Variants in PRKN observed in about 807,000 individuals in gnomAD.
PRKN encodes the protein parkin RBR E3 ubiquitin protein ligase.
PRKN carries 56 observed loss-of-function variants against 59.5 expected under a neutral mutation model. That is an observed-to-expected ratio of 0.94 (90% CI 0.76 to 1.18). The LOEUF is 1.18. Among genes scored for constraint, PRKN ranks in the 50% most tolerant of loss-of-function variants. The probability of loss-of-function intolerance (pLI) is 0.00; values close to 1 mark genes in which losing one functional copy is unlikely to be tolerated. For synonymous variants in PRKN, 250 were observed against 222.1 expected (o/e 1.13, Z -1.12); for missense variants, 657 against 596.4 (o/e 1.10, Z -1.06).
intron 6 of PRKN, among the ~76,000 whole-genome samples, chr6:161,907,465 CAT>C (rs1778192662): frequency 6.6e-6 from 1 of 152,298 alleles, no homozygotes; most frequent in African/African-American, 2.4e-5. Context: ...CATATATACA[CAT>C]ATTCTATATT....
rs1786768532 is a variant in PRKN, at chr6:161,396,578, A to T, written c.1084-9701T>A. Among the ~76,000 whole-genome samples the T allele has an allele frequency of 5.3e-5, 8 of 152,208 alleles. 1 individual carries two copies. Among genetic ancestry groups the T allele is most frequent in the Admixed American group, 5.2e-4 (8 of 15,284 alleles). ...TGTTTGAATATGGCCATTCATTAGT[A>T]AAACGCACAGCATATGTCTTCTATA... On this transcript the variant is annotated intron_variant, in intron 9 of 11. Coordinates refer to ENST00000366898, the MANE Select transcript of PRKN (RefSeq NM_004562.3). This position sits in a 1 kb window ranked among gnomAD's most constrained non-coding sequence, Gnocchi z 5.4.
chr6:162,020,970 G>GT (rs1290249542), intron 5 of PRKN, among the ~76,000 whole-genome samples: 1 of 151,044 alleles, frequency 6.6e-6, no homozygotes, highest in African/African-American at 2.4e-5. Context: ...GGGCATGGTG[G>GT]TGCGCACCTG....
chr6:162,682,520 CAT>C (rs970579791), intron 1 of PRKN, among the ~76,000 whole-genome samples: 31 of 152,266 alleles, frequency 2.0e-4, no homozygotes, highest in African/African-American at 4.8e-4. Flanking sequence ...CCAAATACCA[CAT>C]GTTTTCACTT....
intron 2 of PRKN, among the ~76,000 whole-genome samples, chr6:162,349,564 C>G (rs796878689): frequency 1.1e-4 from 17 of 152,232 alleles, no homozygotes; most frequent in African/African-American, 3.9e-4. Context: ...TATTACATTC[C>G]TCAGAAACAG....
intron 5 of PRKN, among the ~76,000 whole-genome samples, chr6:162,025,074 G>T (rs77886609): frequency 0.13 from 19,104 of 145,652 alleles, 1,669 homozygotes; most frequent in Admixed American, 0.18. Flanking sequence ...GGAGTGCAGT[G>T]GCGCAATCTC....
chr6:161,506,605 G>A (rs1025685837), intron 9 of PRKN, among the ~76,000 whole-genome samples: 27 of 152,178 alleles, frequency 1.8e-4, no homozygotes, highest in Admixed American at 2.6e-4. Flanking sequence ...GGTCAAAAAG[G>A]GTCACAGGCG....
At chr6:162,423,458 A>T (rs180889817) in intron 2 of PRKN, among the ~76,000 whole-genome samples, 114 of 152,080 alleles carry the variant, frequency 7.5e-4, no homozygotes, top group African/African-American at 2.7e-3. Flanking sequence ...ATCTAGACAA[A>T]GTTTAGGTGC....
chr6:161,656,865 C>T (rs1428811678), intron 7 of PRKN, among the ~76,000 whole-genome samples: 3 of 152,164 alleles, frequency 2.0e-5, no homozygotes, highest in African/African-American at 4.8e-5. Flanking sequence ...AGACAGGTGA[C>T]GTGATATTCT....
chr6:162,374,881 A>G (rs1785974150), intron 2 of PRKN, among the ~76,000 whole-genome samples: 1 of 152,184 alleles, frequency 6.6e-6, no homozygotes, highest in South Asian at 2.1e-4. Context: ...GAAGAGTTTT[A>G]AACGTGAGTT....
At chr6:162,044,678 G>A (rs1011548967) in intron 5 of PRKN, among the ~76,000 whole-genome samples, 1 of 152,170 alleles carries the variant, frequency 6.6e-6, no homozygotes, top group East Asian at 1.9e-4. Context: ...ATTACGGAAT[G>A]CATGAACCTT....
intron 1 of PRKN, among the ~76,000 whole-genome samples, chr6:162,725,225 T>C (rs988945680): frequency 4.6e-5 from 7 of 152,238 alleles, no homozygotes; most frequent in African/African-American, 1.7e-4. Flanking sequence ...AGCATAGGCC[T>C]GAAAGGAGCA....
At chr6:161,701,877 G>A (rs1786266938) in intron 7 of PRKN, among the ~76,000 whole-genome samples, 1 of 152,126 alleles carries the variant, frequency 6.6e-6, no homozygotes, top group African/African-American at 2.4e-5. Flanking sequence ...AAATCTATGG[G>A]AATTTGAATG....
rs916225671 is a variant in PRKN at position 161,550,916 on chromosome 6, T to C, written c.934-1913A>G. Reference sequence around the variant, plus strand: ...GTCCTGGGTACAAATTTTGAAGTCATTAGCCTGAGCCTCTAATCCATTTTC... The same window carrying C: ...GTCCTGGGTACAAATTTTGAAGTCACTAGCCTGAGCCTCTAATCCATTTTC... On this transcript the variant is annotated intron_variant, in intron 8 of 11. Coordinates refer to ENST00000366898, the MANE Select transcript of PRKN (RefSeq NM_004562.3). The surrounding 1 kb of genome is among the most constrained non-coding windows in gnomAD (Gnocchi z 4.0). 1.1e-4 allele frequency among the ~76,000 whole-genome samples: 16 copies of C among 152,082 alleles called. No individual in the cohort carries two copies. Among genetic ancestry groups the C allele is most frequent in the Admixed American group, 4.6e-4 (7 of 15,268 alleles).
rs73589754 is a variant in PRKN at position 161,470,900 on chromosome 6, A to G, written c.1083+77954T>C. On this transcript the variant is annotated intron_variant, in intron 9 of 11. Transcript: ENST00000366898. The surrounding 1 kb of genome is among the most constrained non-coding windows in gnomAD (Gnocchi z 5.1). ...TCTAGGCAGGGCAGAGCTAGACAAGAGAAGGGGTCTGGGCTGACTCTCCCA... is the reference window on the plus strand; with the variant it reads ...TCTAGGCAGGGCAGAGCTAGACAAGGGAAGGGGTCTGGGCTGACTCTCCCA... Among the ~76,000 whole-genome samples the G allele has an allele frequency of 0.022, 3,284 of 152,286 alleles. 112 individuals carry two copies. The highest frequency in any genetic ancestry group is 0.075 in the African/African-American group (3,111 of 41,538).
chr6:162,364,429 C>T (rs2128134898), intron 2 of PRKN, among the ~76,000 whole-genome samples: 1 of 152,106 alleles, frequency 6.6e-6, no homozygotes, highest in East Asian at 1.9e-4. Flanking sequence ...ACTTTTCTTC[C>T]TTTTGACTAT....
In PRKN at chr6:161,593,748, G is replaced by C. The variant is rs57651547; in HGVS notation, c.872-24332C>G. ...CTGCTTCGGATGCCACATTGGCAAAGCTTATAAATTATCCAGTTGTAGCCA... is the reference window on the plus strand; with the variant it reads ...CTGCTTCGGATGCCACATTGGCAAACCTTATAAATTATCCAGTTGTAGCCA... On this transcript the variant is annotated intron_variant, in intron 7 of 11. Transcript: ENST00000366898. The surrounding 1 kb of genome is among the most constrained non-coding windows in gnomAD (Gnocchi z 4.8). 0.078 allele frequency among the ~76,000 whole-genome samples: 11,870 copies of C among 152,208 alleles called. 1,559 individuals are homozygous for C. Among genetic ancestry groups the C allele is most frequent in the African/African-American group, 0.27 (11,195 of 41,472 alleles).
At chr6:161,427,674 T>C (rs996610709) in intron 9 of PRKN, among the ~76,000 whole-genome samples, 1 of 152,042 alleles carries the variant, frequency 6.6e-6, no homozygotes, top group Non-Finnish European at 1.5e-5. Flanking sequence ...GAGGGTAGAG[T>C]TGTTTCACTG....
chr6:162,698,148 G>C (rs1013577929), intron 1 of PRKN, among the ~76,000 whole-genome samples: 8 of 152,202 alleles, frequency 5.3e-5, no homozygotes, highest in African/African-American at 1.9e-4. Context: ...GCAGGTTCTG[G>C]AAGAGGATCA....
At chr6:162,205,477 C>T (rs918530436) in intron 3 of PRKN, among the ~76,000 whole-genome samples, 4 of 151,948 alleles carry the variant, frequency 2.6e-5, no homozygotes, top group African/African-American at 7.3e-5. Context: ...GTTTCCATCA[C>T]TAGTTGTCAC....
Sources: allele counts gnomAD v4.1 joint callset (sites outside exome capture counted in the v4.1 genomes callset), GRCh38; gene constraint gnomAD v4.1.1; non-coding constraint Gnocchi (gnomAD v3.1); transcripts MANE v1.5; gene names NCBI Gene and HGNC (gene_info 2026-07-23, HGNC 2026-07-21).